Variants in VTCN1 observed in about 807,000 individuals in gnomAD.
The protein encoded by VTCN1 is V-set domain containing T cell activation inhibitor 1.
In VTCN1, 26 loss-of-function variants were observed where a neutral mutation model predicts 26.5. That is an observed-to-expected ratio of 0.98 (90% confidence interval 0.72 to 1.36). The LOEUF (loss-of-function observed/expected upper bound fraction) is 1.36. Ranked by LOEUF, VTCN1 falls within the 40% of genes most tolerant of loss-of-function variation. The pLI is 0.00. For synonymous variants in VTCN1, 116 were observed against 130.7 expected (o/e 0.89, Z 0.77); for missense variants, 298 against 337.7 (o/e 0.88, Z 0.92).
Position 117,155,374 on chromosome 1 carries a change from C to T in VTCN1, c.445+1200G>A, listed in dbSNP as rs1652019364. On this transcript the variant is annotated intron_variant, in intron 3 of 5. Coordinates refer to ENST00000369458, the MANE Select transcript of VTCN1 (RefSeq NM_024626.4). This position sits in a 1 kb window ranked among gnomAD's most constrained non-coding sequence, Gnocchi z 4.8. ...TGAGTGGGATAGGGAAGGTTTCAAG[C>T]TCCACTTTTTGGAGGGAAGAGATCT... 3.9e-5 allele frequency among the ~76,000 whole-genome samples: 6 copies of T among 152,268 alleles called. No homozygotes were observed. In the South Asian group the frequency reaches 1.2e-3, roughly 32 times the overall value.
intron 1 of VTCN1, among the ~76,000 whole-genome samples, chr1:117,185,275 T>C (rs975986358): frequency 2.6e-5 from 4 of 152,056 alleles, no homozygotes; most frequent in African/African-American, 9.7e-5. Context: ...CAGGGCCCTA[T>C]GGGAAAAGAG....
intron 1 of VTCN1, among the ~76,000 whole-genome samples, chr1:117,180,410 G>T (rs190934218): frequency 1.3e-5 from 2 of 152,230 alleles, no homozygotes; most frequent in African/African-American, 2.4e-5. Context: ...AGTCCTTTTC[G>T]TAATCATACC....
intron 1 of VTCN1, among the ~76,000 whole-genome samples, chr1:117,186,396 A>G (rs897372241): frequency 1.8e-4 from 27 of 152,198 alleles, no homozygotes; most frequent in Non-Finnish European, 3.4e-4. Context: ...CGTCTTCAAG[A>G]TGCTGGGGCT....
At chr1:117,164,313 T>C (rs575862580) in intron 2 of VTCN1, among the ~76,000 whole-genome samples, 1 of 152,152 alleles carries the variant, frequency 6.6e-6, no homozygotes, top group South Asian at 2.1e-4. Context: ...TGGACTTGTC[T>C]AAGTCATTCT....
chr1:117,168,014 C>A (rs888868258), intron 2 of VTCN1, among the ~76,000 whole-genome samples: 4 of 150,964 alleles, frequency 2.6e-5, no homozygotes, highest in African/African-American at 9.7e-5. Context: ...GAAAAAAAAC[C>A]GAAATTATGA....
rs1651880994 is a variant in VTCN1 at position 117,153,148 on chromosome 1, A to G, written c.667T>C (p.Tyr223His). 1 of 1,613,844 alleles carries G rather than the reference A, an allele frequency of 6.2e-7. No individual in the cohort carries two copies. The highest frequency in any genetic ancestry group is 1.7e-5 in the Admixed American group (1 of 60,004). Residue 223 changes from tyrosine (Y) to histidine (H), a missense_variant, in exon 4 of 6, where the codon TAC (tyrosine) becomes CAC (histidine). Tyr to His is a moderately conservative substitution (Grantham distance 83). Coordinates refer to ENST00000369458, the MANE Select transcript of VTCN1 (RefSeq NM_024626.4). ...ATGTCATTTTCAATCATACAGGAGT[A>G]TGTGTTGTTGATCGTAACATTGTAG... The part of the protein sequence containing the change: ...VLYNVTINNT[Y>H]SCMIENDIAK...
At chr1:117,177,591 T>C (rs573132206) in intron 1 of VTCN1, among the ~76,000 whole-genome samples, 3 of 152,260 alleles carry the variant, frequency 2.0e-5, no homozygotes, top group South Asian at 2.1e-4. Flanking sequence ...GCTTTGTATT[T>C]GGGAAAGGAA....
At chr1:117,178,588 GTTTTTTTTT>G (rs10657719) in intron 1 of VTCN1, among the ~76,000 whole-genome samples, 1 of 88,274 alleles carries the variant, frequency 1.1e-5, no homozygotes, top group Non-Finnish European at 2.0e-5. Context: ...TCTTTCTTTC[GTTTTTTTTT>G]TTTTTTTTTT....
At chr1:117,160,499 G>A (rs1384724940) in intron 2 of VTCN1, among the ~76,000 whole-genome samples, 2 of 152,088 alleles carry the variant, frequency 1.3e-5, no homozygotes, top group Non-Finnish European at 2.9e-5. Context: ...ATCTTTAATG[G>A]TTCCTAAGAG....
At chr1:117,181,521 C>T (rs1013768891) in intron 1 of VTCN1, among the ~76,000 whole-genome samples, 7 of 152,212 alleles carry the variant, frequency 4.6e-5, no homozygotes, top group Admixed American at 4.6e-4. Context: ...CCACCTCTTC[C>T]CAGGTAATGA....
rs1437017980 is a variant in VTCN1 at position 117,167,563 on chromosome 1, CA to C, written c.97+2543del. 6.6e-6 allele frequency among the ~76,000 whole-genome samples: 1 copy of C among 152,216 alleles called. No homozygotes were observed. Among genetic ancestry groups the C allele is most frequent in the Non-Finnish European group, 1.5e-5 (1 of 68,036 alleles). On this transcript the variant is annotated intron_variant, in intron 2 of 5. Transcript: ENST00000369458. This position sits in a 1 kb window ranked among gnomAD's most constrained non-coding sequence, Gnocchi z 4.1. ...CAGAAATTAAAACCACAAAATTCCA[CA>C]ACACCCAGTATTGGTGAGGGTGTGG...
intron 1 of VTCN1, among the ~76,000 whole-genome samples, chr1:117,177,484 A>G (rs1437814678): frequency 1.3e-5 from 2 of 152,128 alleles, no homozygotes; most frequent in Non-Finnish European, 2.9e-5. Context: ...TGCAATGAGG[A>G]GGAGTCATTA....
intron 2 of VTCN1, among the ~76,000 whole-genome samples, chr1:117,160,935 G>T (rs1652335417): frequency 6.6e-6 from 1 of 152,076 alleles, no homozygotes; most frequent in Non-Finnish European, 1.5e-5. Context: ...GGCTACTGAT[G>T]GAAGAAAAAT....
chr1:117,198,619 C>T (rs1648634608), intron 1 of VTCN1, among the ~76,000 whole-genome samples: 1 of 152,168 alleles, frequency 6.6e-6, no homozygotes, highest in African/African-American at 2.4e-5. Flanking sequence ...TCGCCTCCTG[C>T]ATCCACATCA....
intron 1 of VTCN1, among the ~76,000 whole-genome samples, chr1:117,198,511 T>G (rs1648625091): frequency 6.6e-6 from 1 of 152,220 alleles, no homozygotes; most frequent in Non-Finnish European, 1.5e-5. Flanking sequence ...TCTTAGACAT[T>G]TGGCTCCAGT....
At chr1:117,184,899 G>T (rs975596387) in intron 1 of VTCN1, among the ~76,000 whole-genome samples, 1 of 152,126 alleles carries the variant, frequency 6.6e-6, no homozygotes, top group African/African-American at 2.4e-5. Flanking sequence ...TTCTGTTAGG[G>T]ACTGAGAATC....
chr1:117,176,040 GA>G (rs1647336246), intron 1 of VTCN1, among the ~76,000 whole-genome samples: 12 of 152,132 alleles, frequency 7.9e-5, no homozygotes, highest in Admixed American at 5.9e-4. Flanking sequence ...AAAGTGCTGG[GA>G]TTACAGGTGT....
chr1:117,203,524 G>T, intron 1 of VTCN1: 1 of 805,090 alleles, frequency 1.2e-6, no homozygotes, highest in Non-Finnish European at 1.5e-6. Flanking sequence ...GAACACATCT[G>T]AAGTGATGTG....
At chr1:117,192,181 T>A (rs1159250424) in intron 1 of VTCN1, among the ~76,000 whole-genome samples, 1 of 152,128 alleles carries the variant, frequency 6.6e-6, no homozygotes, top group East Asian at 1.9e-4. Context: ...AAGGGAAACT[T>A]TGTGAAGCTA....
Sources: allele counts gnomAD v4.1 joint callset (sites outside exome capture counted in the v4.1 genomes callset), GRCh38; gene constraint gnomAD v4.1.1; non-coding constraint Gnocchi (gnomAD v3.1); transcripts MANE v1.5; gene names NCBI Gene and HGNC (gene_info 2026-07-23, HGNC 2026-07-21).